KDM2B: variants seen among roughly 807,000 people sequenced by gnomAD.
The protein encoded by KDM2B is lysine demethylase 2B, also known as lysine-specific demethylase 2B.
In KDM2B, 26 loss-of-function variants were observed where a neutral mutation model predicts 150.0. That is an observed-to-expected ratio of 0.17 (90% confidence interval 0.13 to 0.24). The LOEUF is 0.24. Ranked by LOEUF, KDM2B falls within the 10% of genes least tolerant of loss-of-function variation. The probability of loss-of-function intolerance (pLI) is 1.00; values close to 1 mark genes in which losing one functional copy is unlikely to be tolerated. For missense variants in KDM2B, 1,265 were observed against 1,816.9 expected (o/e 0.70, Z 5.52); for synonymous variants, 734 against 729.5 (o/e 1.01, Z -0.10).
chr12:121,503,747 G>A (rs1884811030), intron 11 of KDM2B, among the ~76,000 whole-genome samples: 1 of 152,262 alleles, frequency 6.6e-6, no homozygotes, highest in Admixed American at 6.5e-5. Flanking sequence ...TGCAACCTAT[G>A]TTCATGGCTT....
At chr12:121,558,180 A>C (rs2142226914) in intron 4 of KDM2B, among the ~76,000 whole-genome samples, 1 of 152,344 alleles carries the variant, frequency 6.6e-6, no homozygotes, top group East Asian at 1.9e-4. Flanking sequence ...AGACTGGTGC[A>C]GGCTAGGAGC....
intron 4 of KDM2B, among the ~76,000 whole-genome samples, chr12:121,558,598 C>T (rs566819666): frequency 1.4e-4 from 21 of 152,004 alleles, no homozygotes; most frequent in Admixed American, 7.9e-4. Flanking sequence ...GGACTACAGG[C>T]GCATGCCACC....
chr12:121,486,954 C>T (rs554788299), intron 12 of KDM2B, among the ~76,000 whole-genome samples: 3 of 151,448 alleles, frequency 2.0e-5, no homozygotes, highest in East Asian at 3.9e-4. Context: ...GCATGAGCAA[C>T]ATAGTGAGAC....
intron 6 of KDM2B, 114 bp from the exon 7 acceptor site, chr12:121,534,704 G>T: frequency 1.4e-6 from 1 of 726,506 alleles, no homozygotes; most frequent in South Asian, 1.8e-5. Context: ...TGACGCTGGG[G>T]AATTTTCTTT....
chr12:121,416,935 G>A, the KDM2B span, among the ~76,000 whole-genome samples: 3 of 152,186 alleles, frequency 2.0e-5, no homozygotes, highest in African/African-American at 7.2e-5. Flanking sequence ...TAGCTTGCAG[G>A]AACAATGCAG....
intron 13 of KDM2B, among the ~76,000 whole-genome samples, chr12:121,446,254 C>T (rs759152951): frequency 1.2e-4 from 19 of 152,216 alleles, no homozygotes; most frequent in Non-Finnish European, 2.6e-4. Context: ...AGAAATTAGC[C>T]GGGCGTGGTG....
At chr12:121,516,589 T>C (rs782466477) in intron 9 of KDM2B, 40 of 1,298,782 alleles carry the variant, frequency 3.1e-5, no homozygotes, top group Non-Finnish European at 4.0e-5. Context: ...CCAAATTGAG[T>C]TAACCAACGT....
intron 22 of KDM2B, chr12:121,433,258 A>C: frequency 4.4e-6 from 2 of 452,984 alleles, no homozygotes; most frequent in Non-Finnish European, 8.9e-6. Context: ...AGTTCACTGC[A>C]GCCTGGTTTC....
intron 11 of KDM2B, among the ~76,000 whole-genome samples, chr12:121,498,522 T>C (rs1884202571): frequency 6.6e-6 from 1 of 152,204 alleles, no homozygotes; most frequent in African/African-American, 2.4e-5. Flanking sequence ...AACAACTAAC[T>C]AAAACTTTAA....
chr12:121,570,392 C>T (rs1891009903), intron 4 of KDM2B, among the ~76,000 whole-genome samples: 1 of 152,002 alleles, frequency 6.6e-6, no homozygotes, highest in South Asian at 2.1e-4. Context: ...TGCCATGCTC[C>T]CCAGGCTGGT....
downstream of KDM2B, among the ~76,000 whole-genome samples, chr12:121,428,573 C>T (rs1872630098): frequency 6.6e-6 from 1 of 152,176 alleles, no homozygotes; most frequent in Admixed American, 6.6e-5. Context: ...GGGGCAACAT[C>T]GTACATTGCT....
chr12:121,457,825 T>C (rs1237606495), intron 12 of KDM2B, among the ~76,000 whole-genome samples: 7 of 151,838 alleles, frequency 4.6e-5, no homozygotes, highest in African/African-American at 1.7e-4. Flanking sequence ...CTCAAGAGCA[T>C]TGTCCTTTAA....
intron 11 of KDM2B, 81 bp downstream of exon 11, chr12:121,509,486 A>G: frequency 6.4e-7 from 1 of 1,550,766 alleles, no homozygotes; most frequent in Non-Finnish European, 8.7e-7. Flanking sequence ...AGCCATCGTG[A>G]GCTGAGCTGC....
intron 4 of KDM2B, among the ~76,000 whole-genome samples, chr12:121,571,810 C>T (rs1322239250): frequency 6.6e-6 from 1 of 151,692 alleles, no homozygotes; most frequent in African/African-American, 2.4e-5. Flanking sequence ...GCCACTACAC[C>T]CAGCTAATTT....
At chr12:121,543,376 A>C (rs1888756479) in intron 6 of KDM2B, among the ~76,000 whole-genome samples, 1 of 151,956 alleles carries the variant, frequency 6.6e-6, no homozygotes, top group South Asian at 2.1e-4. Flanking sequence ...AAAGAAAAGA[A>C]AAACACTGAG....
the KDM2B span, chr12:121,417,779 A>C: frequency 6.2e-7 from 1 of 1,614,076 alleles, no homozygotes; most frequent in Non-Finnish European, 8.5e-7. The surrounding 1 kb of genome is among the most constrained non-coding windows in gnomAD (Gnocchi z 5.0). Flanking sequence ...TGAATTCTTC[A>C]AGGTCCCAGA....
At chr12:121,427,549 A>G (rs182317118), downstream of KDM2B, among the ~76,000 whole-genome samples, 1 of 152,310 alleles carries the variant, frequency 6.6e-6, no homozygotes, top group East Asian at 1.9e-4. Flanking sequence ...CAAAATAAAT[A>G]AAATAAAATA....
At chr12:121,580,197 C>G in intron 1 of KDM2B, 5 of 1,517,950 alleles carry the variant, frequency 3.3e-6, no homozygotes, top group South Asian at 1.3e-5. Context: ...AAGTTTTGCA[C>G]CAACACTTAG....
intron 8 of KDM2B, among the ~76,000 whole-genome samples, chr12:121,524,257 T>C (rs1265590262): frequency 6.6e-6 from 1 of 152,154 alleles, no homozygotes; most frequent in Non-Finnish European, 1.5e-5. Flanking sequence ...ATATAAGCAA[T>C]TGGCATTGGT....
Sources: gnomAD v4.1 joint callset for allele counts (sites outside exome capture counted in the v4.1 genomes callset) on GRCh38, gnomAD v4.1.1 for gene constraint, Gnocchi (gnomAD v3.1) non-coding constraint, MANE v1.5 for transcripts, NCBI Gene and HGNC (gene_info 2026-07-23, HGNC 2026-07-21) for gene names.